ELP4: variants seen among roughly 807,000 people sequenced by gnomAD.
ELP4 encodes the protein elongator complex protein 4.
In ELP4, 51 loss-of-function variants were observed where a neutral mutation model predicts 48.9. The observed-to-expected ratio is 1.04, with a 90% CI of 0.83 to 1.32. The LOEUF is 1.32. ELP4 is among the 40% of genes most tolerant of loss of function. The probability of loss-of-function intolerance (pLI) is 0.00; values close to 1 mark genes in which losing one functional copy is unlikely to be tolerated. For synonymous variants in ELP4, 210 were observed against 189.2 expected (o/e 1.11, Z -0.90); for missense variants, 519 against 514.6 (o/e 1.01, Z -0.08).
At chr11:31,586,019 AG>A (rs1308092843) in intron 3 of ELP4, among the ~76,000 whole-genome samples, 5 of 152,224 alleles carry the variant, frequency 3.3e-5, no homozygotes, top group South Asian at 2.1e-4. Context: ...CAGGAGTTCA[AG>A]GAAAAAGAAA....
intron 3 of ELP4, among the ~76,000 whole-genome samples, chr11:31,556,387 G>C (rs1956930076): frequency 6.6e-6 from 1 of 151,730 alleles, no homozygotes; most frequent in East Asian, 1.9e-4. Context: ...TTATAAAATA[G>C]TAAAAATTAC....
intron 9 of ELP4, among the ~76,000 whole-genome samples, chr11:31,704,642 T>TA (rs1002572534): frequency 6.6e-6 from 1 of 151,902 alleles, no homozygotes; most frequent in African/African-American, 2.4e-5. Context: ...ATAATAAAAA[T>TA]AAAAAAATTA....
At chr11:31,748,723 G>T (rs1051388665) in intron 9 of ELP4, among the ~76,000 whole-genome samples, 1 of 151,996 alleles carries the variant, frequency 6.6e-6, no homozygotes, top group African/African-American at 2.4e-5. Context: ...TTGTGCAGAG[G>T]CCAGGTGCAG....
At chr11:31,624,846 C>T (rs1944704388) in intron 5 of ELP4, among the ~76,000 whole-genome samples, 1 of 151,602 alleles carries the variant, frequency 6.6e-6, no homozygotes, top group Non-Finnish European at 1.5e-5. Context: ...ACACATTACT[C>T]TAGGCCTGTG....
At chr11:31,613,560 C>T (rs1268170583) in intron 5 of ELP4, among the ~76,000 whole-genome samples, 1 of 151,982 alleles carries the variant, frequency 6.6e-6, no homozygotes, top group Non-Finnish European at 1.5e-5. Flanking sequence ...TCGTTTTTCT[C>T]AGTAAGAAAC....
chr11:31,621,772 T>C (rs1411895386), intron 5 of ELP4, among the ~76,000 whole-genome samples: 2 of 151,934 alleles, frequency 1.3e-5, no homozygotes, highest in Admixed American at 6.6e-5. Flanking sequence ...GAATGCTTCA[T>C]TTGGCTATGT....
At chr11:31,696,735 G>A (rs1481471531) in intron 9 of ELP4, among the ~76,000 whole-genome samples, 1 of 152,096 alleles carries the variant, frequency 6.6e-6, no homozygotes, top group Non-Finnish European at 1.5e-5. Flanking sequence ...ATCCATGCTA[G>A]GAGGAAACTG....
At chr11:31,606,175 T>C (rs1215428271) in intron 5 of ELP4, among the ~76,000 whole-genome samples, 1 of 152,172 alleles carries the variant, frequency 6.6e-6, no homozygotes, top group Non-Finnish European at 1.5e-5. Context: ...AATTCATTTA[T>C]TTCATATTAA....
chr11:31,694,089 A>C (rs1426142848), intron 9 of ELP4, among the ~76,000 whole-genome samples: 7 of 152,044 alleles, frequency 4.6e-5, no homozygotes, highest in Non-Finnish European at 8.8e-5. Context: ...TAGATTGCAA[A>C]AATTTTCTCC....
intron 3 of ELP4, among the ~76,000 whole-genome samples, chr11:31,571,385 G>T (rs1326711587): frequency 2.0e-5 from 3 of 152,062 alleles, no homozygotes; most frequent in Non-Finnish European, 4.4e-5. Flanking sequence ...ACATCTTCAG[G>T]CTCCACTTCT....
chr11:31,569,457 A>C (rs989027645), intron 3 of ELP4, among the ~76,000 whole-genome samples: 4 of 152,200 alleles, frequency 2.6e-5, no homozygotes, highest in Admixed American at 2.6e-4. Context: ...TCTCAAAAGA[A>C]CACATACAAG....
intron 7 of ELP4, among the ~76,000 whole-genome samples, chr11:31,641,504 A>G (rs1377813142): frequency 1.3e-5 from 2 of 151,930 alleles, no homozygotes; most frequent in Non-Finnish European, 2.9e-5. Context: ...TTGGATCTTT[A>G]TATTTTTGCC....
chr11:31,551,467 A>G (rs1278864379), intron 3 of ELP4, among the ~76,000 whole-genome samples: 1 of 152,150 alleles, frequency 6.6e-6, no homozygotes, highest in Admixed American at 6.6e-5. Context: ...TTTTAGCAGA[A>G]TTCACCTTCT....
At chr11:31,717,054 T>TC (rs1946855897) in intron 9 of ELP4, among the ~76,000 whole-genome samples, 1 of 151,796 alleles carries the variant, frequency 6.6e-6, no homozygotes, top group South Asian at 2.1e-4. Context: ...TTCTAAACTT[T>TC]CCCCCCAACT....
In ELP4 at chr11:31,783,803, G is replaced by A. The variant is rs560844102; in HGVS notation, c.*279G>A. The A allele has an allele frequency of 1.1e-5, 3 of 277,684 alleles. No individual in the cohort carries two copies. Among genetic ancestry groups the A allele is most frequent in the Non-Finnish European group, 1.4e-5 (2 of 146,148 alleles). The allele number at this position is 277,684 out of a possible 1,614,324, so 17.2% of individuals were successfully genotyped here. On this transcript the variant is annotated 3_prime_UTR_variant, in exon 10 of 10. Transcript: ENST00000640961. ...TCAAGATTCCTGACAGTGGTCATTCGTGTGTGTACTAAGGCATTTAGTGTC... is the reference window on the plus strand; with the variant it reads ...TCAAGATTCCTGACAGTGGTCATTCATGTGTGTACTAAGGCATTTAGTGTC...
chr11:31,668,675 C>A (rs1367434427), intron 9 of ELP4, among the ~76,000 whole-genome samples: 1 of 121,040 alleles, frequency 8.3e-6, no homozygotes, highest in East Asian at 2.7e-4. Flanking sequence ...CCTTTGGTAC[C>A]GTGTGTGTGT....
At chr11:31,774,343 A>C (rs1948203749) in intron 9 of ELP4, among the ~76,000 whole-genome samples, 1 of 152,134 alleles carries the variant, frequency 6.6e-6, no homozygotes. Context: ...CCAGCCACTT[A>C]ACGAAGGTAT....
chr11:31,743,346 A>C (rs991593536), intron 9 of ELP4, among the ~76,000 whole-genome samples: 15 of 152,182 alleles, frequency 9.9e-5, no homozygotes, highest in African/African-American at 3.6e-4. Flanking sequence ...AGCGAGACAG[A>C]AAGTTAACAA....
At chr11:31,687,528 G>A (rs1946186049) in intron 9 of ELP4, 1 of 152,160 alleles carries the variant, frequency 6.6e-6, no homozygotes, top group East Asian at 1.9e-4. Context: ...GAAGTTTCAG[G>A]GGCATAGGGC....
Sources: allele counts gnomAD v4.1 joint callset (sites outside exome capture counted in the v4.1 genomes callset), GRCh38; gene constraint gnomAD v4.1.1; transcripts MANE v1.5; gene names NCBI Gene and HGNC (gene_info 2026-07-23, HGNC 2026-07-21).